The following ERLEC1 variants were observed in gnomAD, a reference collection of about 807,000 sequenced individuals.
ERLEC1 encodes the protein endoplasmic reticulum lectin 1.
In ERLEC1, 47 loss-of-function variants were observed where a neutral mutation model predicts 68.0. The ratio of observed to expected loss-of-function variants is 0.69; its 90% CI spans 0.55 to 0.88. The LOEUF is 0.88. Ranked by LOEUF, ERLEC1 falls within the 40% of genes least tolerant of loss-of-function variation. The probability of loss-of-function intolerance (pLI) is 0.00; values close to 1 mark genes in which losing one functional copy is unlikely to be tolerated. For synonymous variants in ERLEC1, 225 were observed against 203.2 expected (o/e 1.11, Z -0.91); for missense variants, 567 against 583.8 (o/e 0.97, Z 0.30).
At chr2:53,791,422 AT>A (rs1253356174) in intron 1 of ERLEC1, among the ~76,000 whole-genome samples, 2 of 152,154 alleles carry the variant, frequency 1.3e-5, no homozygotes, top group Non-Finnish European at 2.9e-5. Context: ...AATTTATTAT[AT>A]TTTGTTTTCT....
At chr2:53,814,469 C>G in intron 11 of ERLEC1, 74 bp from the exon 12 acceptor site, 1 of 1,032,692 alleles carries the variant, frequency 9.7e-7, no homozygotes, top group Non-Finnish European at 1.5e-6. Flanking sequence ...TAACCATCTT[C>G]TCACCCTACC....
intron 8 of ERLEC1, among the ~76,000 whole-genome samples, chr2:53,807,285 A>T (rs2104320634): frequency 6.6e-6 from 1 of 152,332 alleles, no homozygotes; most frequent in Non-Finnish European, 1.5e-5. Context: ...ACAAATTATT[A>T]TTCTTGTTTC....
intron 13 of ERLEC1, among the ~76,000 whole-genome samples, chr2:53,817,265 C>G (rs1676949606): frequency 6.6e-6 from 1 of 152,112 alleles, no homozygotes; most frequent in Non-Finnish European, 1.5e-5. Context: ...TCCCCAGTAG[C>G]TGGGACTACA....
At chr2:53,790,932 G>T (rs569120474) in intron 1 of ERLEC1, among the ~76,000 whole-genome samples, 1 of 152,148 alleles carries the variant, frequency 6.6e-6, no homozygotes, top group Non-Finnish European at 1.5e-5. Flanking sequence ...ACTTTATAGA[G>T]TTCAGAGATT....
At chr2:53,795,898 A>G (rs775209169) in intron 2 of ERLEC1, 35 bp from the exon 3 acceptor site, 15 of 1,414,436 alleles carry the variant, frequency 1.1e-5, no homozygotes, top group African/African-American at 1.4e-5. Context: ...AAATTCTAGA[A>G]AAACTGTAAG....
chr2:53,808,593 T>C (rs775866244), intron 9 of ERLEC1, 133 bp downstream of exon 9: 15 of 874,012 alleles, frequency 1.7e-5, no homozygotes, highest in Non-Finnish European at 2.6e-5. Context: ...CCAAAGAACA[T>C]TTTCTTTTTG....
At position 53,814,632 on chromosome 2, in the gene ERLEC1, C is replaced by A. The variant is rs1436862820; in HGVS notation, c.1304+12C>A. The A allele has an allele frequency of 1.3e-6, 2 of 1,589,144 alleles. No individual in the cohort carries two copies. The highest frequency in any genetic ancestry group is 1.7e-6 in the Non-Finnish European group (2 of 1,159,768). ...ACTGTAAAACTAAAGTAAGTTAGAC[C>A]ATCAAATCATGCTGTATGCCTTTGT... On this transcript the variant is annotated intron_variant, in intron 12 of 13. Coordinates refer to ENST00000185150, the MANE Select transcript of ERLEC1 (RefSeq NM_015701.5).
intron 13 of ERLEC1, among the ~76,000 whole-genome samples, chr2:53,817,535 A>G (rs1676965229): frequency 6.6e-6 from 1 of 152,158 alleles, no homozygotes; most frequent in Non-Finnish European, 1.5e-5. Context: ...TAATTTCAAC[A>G]TCTGTTCCAT....
At chr2:53,799,451 C>G (rs1440815316) in intron 6 of ERLEC1, among the ~76,000 whole-genome samples, 2 of 152,228 alleles carry the variant, frequency 1.3e-5, no homozygotes, top group East Asian at 3.9e-4. Flanking sequence ...ATGTAAATAA[C>G]AAGCTACCAA....
chr2:53,810,921 CTTAA>C (rs139715150), intron 10 of ERLEC1, among the ~76,000 whole-genome samples: 39,461 of 151,774 alleles, frequency 0.26, 5,619 homozygotes, highest in South Asian at 0.33. Context: ...TGATGAGTTT[CTTAA>C]TTAAAGAAAT....
At chr2:53,807,054 C>T (rs1321633358) in intron 8 of ERLEC1, among the ~76,000 whole-genome samples, 1 of 152,174 alleles carries the variant, frequency 6.6e-6, no homozygotes, top group Non-Finnish European at 1.5e-5. Context: ...TTCCTTGCCA[C>T]TGCTGAAGTA....
chr2:53,795,083 A>G (rs1004961255), intron 2 of ERLEC1, among the ~76,000 whole-genome samples: 8 of 152,222 alleles, frequency 5.3e-5, no homozygotes, highest in African/African-American at 1.9e-4. Flanking sequence ...ATTGTTTATA[A>G]ATAAGTCTGT....
intron 11 of ERLEC1, among the ~76,000 whole-genome samples, chr2:53,814,152 C>T (rs1343524586): frequency 6.6e-6 from 1 of 152,026 alleles, no homozygotes; most frequent in Admixed American, 6.6e-5. Flanking sequence ...GCCTAACGAA[C>T]AGTATTTTAA....
chr2:53,817,252 G>T (rs1421435377), intron 13 of ERLEC1, among the ~76,000 whole-genome samples: 2 of 151,838 alleles, frequency 1.3e-5, no homozygotes, highest in African/African-American at 4.8e-5. Flanking sequence ...TCCTGCCTCA[G>T]CCTCCCCAGT....
chr2:53,802,352 C>T (rs1029516861), intron 8 of ERLEC1, among the ~76,000 whole-genome samples: 3 of 152,280 alleles, frequency 2.0e-5, no homozygotes, highest in Admixed American at 2.0e-4. Flanking sequence ...CTGTGTTCTA[C>T]CCAATTGACC....
At chr2:53,794,009 C>A (rs1037597463) in intron 1 of ERLEC1, among the ~76,000 whole-genome samples, 11 of 151,960 alleles carry the variant, frequency 7.2e-5, no homozygotes, top group African/African-American at 2.2e-4. Context: ...AAGACGAGAA[C>A]AATAAACACT....
rs2104289526 is a variant in ERLEC1 at position 53,795,991 on chromosome 2, A to T, written c.326A>T (p.Lys109Ile). The change falls in exon 3 of 14, where the codon AAA becomes ATA. Residue 109 changes from lysine (K) to isoleucine (I), a missense_variant. Physicochemically the swap from Lys to Ile is moderately radical, Grantham distance 102. Transcript: ENST00000185150. ...NPRELLEPLF[K>I]QSSCSYRIES... ...AGAGAGCTTTTGGAGCCACTATTTA[A>T]ACAAAGCAGTTGTTCCTACAGAGTA... 6.2e-7 allele frequency: 1 copy of T among 1,602,974 alleles called. No homozygotes were observed. The highest frequency in any genetic ancestry group is 2.2e-5 in the East Asian group (1 of 44,558).
intron 8 of ERLEC1, among the ~76,000 whole-genome samples, chr2:53,805,214 G>A (rs924294809): frequency 5.4e-5 from 8 of 147,078 alleles, no homozygotes; most frequent in African/African-American, 2.0e-4. Context: ...GTAGAGATGG[G>A]GTTTCACCAT....
chr2:53,808,241 C>T, intron 8 of ERLEC1, 58 bp from the exon 9 acceptor site: 2 of 1,553,396 alleles, frequency 1.3e-6, no homozygotes, highest in Non-Finnish European at 1.7e-6. Context: ...TAAGCCATAA[C>T]TGAAAAAAGA....
Sources: gnomAD v4.1 joint callset for allele counts (sites outside exome capture counted in the v4.1 genomes callset) on GRCh38, gnomAD v4.1.1 for gene constraint, MANE v1.5 for transcripts, NCBI Gene and HGNC (gene_info 2026-07-23, HGNC 2026-07-21) for gene names.